The following ADAMTS17 variants were observed in gnomAD, a reference collection of about 807,000 sequenced individuals.
ADAMTS17 encodes A disintegrin and metalloproteinase with thrombospondin motifs 17.
ADAMTS17 carries 113 observed loss-of-function variants against 141.5 expected under a neutral mutation model. That is an observed-to-expected ratio of 0.80 (90% CI 0.69 to 0.93). The LOEUF (loss-of-function observed/expected upper bound fraction) is 0.93. Ranked by LOEUF, ADAMTS17 falls within the 40% of genes least tolerant of loss-of-function variation. The probability of loss-of-function intolerance (pLI) is 0.00; values close to 1 mark genes in which losing one functional copy is unlikely to be tolerated. For missense variants in ADAMTS17, 1,659 were observed against 1,517.9 expected (o/e 1.09, Z -1.54); for synonymous variants, 768 against 630.6 (o/e 1.22, Z -3.27).
intron 14 of ADAMTS17, among the ~76,000 whole-genome samples, chr15:100,099,836 G>C (rs1253235439): frequency 6.6e-6 from 1 of 152,202 alleles, no homozygotes; most frequent in Non-Finnish European, 1.5e-5. Context: ...AAAGTGCTTG[G>C]AAAAGCTTTA....
intron 3 of ADAMTS17, among the ~76,000 whole-genome samples, chr15:100,313,765 G>A (rs907882253): frequency 8.6e-5 from 13 of 151,018 alleles, no homozygotes; most frequent in African/African-American, 2.9e-4. Flanking sequence ...CACCCCAAAC[G>A]TCACCATGAA....
intron 18 of ADAMTS17, among the ~76,000 whole-genome samples, chr15:100,007,696 GGCCTGCGGTGGAAGGGTGGC>G (rs1285649439): frequency 1.2e-4 from 18 of 152,128 alleles, no homozygotes; most frequent in Non-Finnish European, 1.5e-5. Context: ...GGGAGGAGCT[GGCCTGCGGTGGAAGGGTGGC>G]GCTGCTTTAG....
intron 18 of ADAMTS17, among the ~76,000 whole-genome samples, chr15:100,025,414 C>CTTT (rs530003718): frequency 2.9e-5 from 4 of 135,964 alleles, no homozygotes; most frequent in African/African-American, 1.1e-4. Context: ...CTTTTCTTTT[C>CTTT]TTTTTTTTTT....
In ADAMTS17 at chr15:100,058,297, G is replaced by A. The variant is rs1426706208; in HGVS notation, c.2138-4243C>T. On this transcript the variant is annotated intron_variant, in intron 15 of 21. Coordinates refer to ENST00000268070, the MANE Select transcript of ADAMTS17 (RefSeq NM_139057.4). ...ATCCCGGCTCTAACCCTCCTATCCC[G>A]GCTCTAACACCCCTATCCCGGCTCT... Among the ~76,000 whole-genome samples, 8 of 49,032 alleles carry A rather than the reference G, an allele frequency of 1.6e-4. 1 individual carries two copies. Among genetic ancestry groups the A allele is most frequent in the African/African-American group, 4.5e-4 (6 of 13,296 alleles). The allele number at this position is 49,032 out of a possible 152,430, so 32.2% of individuals were successfully genotyped here.
At chr15:100,094,239 A>G (rs2141008525) in intron 15 of ADAMTS17, among the ~76,000 whole-genome samples, 1 of 152,262 alleles carries the variant, frequency 6.6e-6, no homozygotes, top group East Asian at 1.9e-4. Context: ...AAGGACACAC[A>G]CTAGGCTGCA....
intron 18 of ADAMTS17, among the ~76,000 whole-genome samples, chr15:100,007,004 T>G (rs1455135561): frequency 6.6e-6 from 1 of 152,218 alleles, no homozygotes; most frequent in Non-Finnish European, 1.5e-5. Context: ...AACCTCACGT[T>G]GAGTCCTGAA....
intron 3 of ADAMTS17, among the ~76,000 whole-genome samples, chr15:100,293,545 G>A (rs2044714210): frequency 6.6e-6 from 1 of 152,200 alleles, no homozygotes; most frequent in Non-Finnish European, 1.5e-5. Context: ...CTGGACAGAA[G>A]ACTGGAACTC....
At chr15:100,188,136 G>A (rs1211503248) in intron 8 of ADAMTS17, among the ~76,000 whole-genome samples, 1 of 152,018 alleles carries the variant, frequency 6.6e-6, no homozygotes, top group African/African-American at 2.4e-5. Context: ...GAATGCAATG[G>A]CGTGATTTCG....
intron 10 of ADAMTS17, among the ~76,000 whole-genome samples, chr15:100,145,685 A>G (rs1215572194): frequency 6.6e-6 from 1 of 152,262 alleles, no homozygotes; most frequent in African/African-American, 2.4e-5. Context: ...AGAATGGAGT[A>G]TAAATGGTTA....
chr15:100,047,647 G>T (rs1314918691), intron 18 of ADAMTS17, among the ~76,000 whole-genome samples: 1 of 152,016 alleles, frequency 6.6e-6, no homozygotes, highest in African/African-American at 2.4e-5. Flanking sequence ...TCATGCCCTT[G>T]AGCTCATGCT....
Position 100,288,016 on chromosome 15 carries a change from G to C in ADAMTS17, c.617-6615C>G, listed in dbSNP as rs768602770. Among the ~76,000 whole-genome samples, 161 of 152,174 alleles carry C rather than the reference G, an allele frequency of 1.1e-3. 1 individual carries two copies. Among genetic ancestry groups the C allele is most frequent in the Non-Finnish European group, 1.1e-3 (72 of 68,026 alleles). ...AAGAAATCTGTATATATCGATATTA[G>C]CTTTGAATATAAACAAACTAAAGGC... On this transcript the variant is annotated intron_variant, in intron 3 of 21. Coordinates refer to ENST00000268070, the MANE Select transcript of ADAMTS17 (RefSeq NM_139057.4).
chr15:100,289,957 G>A (rs994226773), intron 3 of ADAMTS17, among the ~76,000 whole-genome samples: 1 of 152,122 alleles, frequency 6.6e-6, no homozygotes, highest in Non-Finnish European at 1.5e-5. Context: ...ACTGTAACAA[G>A]ACAAGGATGC....
At chr15:99,983,619 A>G (rs1483484353) in intron 20 of ADAMTS17, among the ~76,000 whole-genome samples, 1 of 152,078 alleles carries the variant, frequency 6.6e-6, no homozygotes, top group Non-Finnish European at 1.5e-5. Context: ...AATGTCAACT[A>G]TACACGCCTG....
At chr15:100,261,769 A>T in intron 5 of ADAMTS17, 133 bp from the exon 6 acceptor site, 1 of 1,004,248 alleles carries the variant, frequency 1.0e-6, no homozygotes, top group Admixed American at 2.0e-5. Context: ...CGGCCCTCGA[A>T]GAAAAGCCTG....
intron 21 of ADAMTS17, among the ~76,000 whole-genome samples, 162 bp from the exon 22 acceptor site, chr15:99,974,724 G>C (rs1230526077): frequency 7.9e-5 from 12 of 152,218 alleles, no homozygotes; most frequent in African/African-American, 2.9e-4. Context: ...CAGGGCACTG[G>C]GGGTGCCACT....
At chr15:100,199,221 A>C (rs910873037) in intron 8 of ADAMTS17, 97 bp downstream of exon 8, 5 of 1,174,682 alleles carry the variant, frequency 4.3e-6, no homozygotes, top group Non-Finnish European at 6.4e-6. Context: ...GCAAAGGCAT[A>C]GAGCAGCACT....
intron 15 of ADAMTS17, among the ~76,000 whole-genome samples, chr15:100,073,740 A>C (rs1472898937): frequency 8.6e-6 from 1 of 116,464 alleles, no homozygotes; most frequent in Non-Finnish European, 1.7e-5. Context: ...AGGAAGGGGA[A>C]CATCACACAC....
At chr15:100,125,847 T>G (rs1596497857) in intron 12 of ADAMTS17, among the ~76,000 whole-genome samples, 1 of 151,836 alleles carries the variant, frequency 6.6e-6, no homozygotes. Flanking sequence ...TAATTGTGTG[T>G]GGGGGGACTC....
At chr15:100,107,782 T>A (rs1376756036) in intron 14 of ADAMTS17, among the ~76,000 whole-genome samples, 1 of 152,098 alleles carries the variant, frequency 6.6e-6, no homozygotes, top group Non-Finnish European at 1.5e-5. Flanking sequence ...GGCCTCAATC[T>A]TGGACTTCCC....
Sources: gnomAD v4.1 joint callset for allele counts (sites outside exome capture counted in the v4.1 genomes callset) on GRCh38, gnomAD v4.1.1 for gene constraint, MANE v1.5 for transcripts, NCBI Gene and HGNC (gene_info 2026-07-23, HGNC 2026-07-21) for gene names.